NPY2R: variants seen among roughly 807,000 people sequenced by gnomAD.
NPY2R encodes neuropeptide Y receptor Y2, also known as neuropeptide Y receptor type 2.
NPY2R carries 17 observed loss-of-function variants against 22.3 expected under a neutral mutation model. That is an observed-to-expected ratio of 0.76 (90% CI 0.52 to 1.14). NPY2R has a LOEUF of 1.14. Among genes scored for constraint, NPY2R ranks in the 50% most tolerant of loss-of-function variants. The pLI is 0.00. For missense variants in NPY2R, 424 were observed against 467.9 expected (o/e 0.91, Z 0.87); for synonymous variants, 209 against 183.4 (o/e 1.14, Z -1.13).
chr4:155,181,363 G>A, the NPY2R span, among the ~76,000 whole-genome samples: 1 of 152,146 alleles, frequency 6.6e-6, no homozygotes, highest in South Asian at 2.1e-4. Context: ...CACCAGTGGT[G>A]TGAAATATTC....
Position 155,214,338 on chromosome 4 carries a change from A to C in NPY2R, c.399A>C (p.Ala133=), listed in dbSNP as rs1278359880. The part of the protein sequence containing the change: ...CHLVPYAQGL[A]VQVSTITLTV... The stretch of plus-strand genomic sequence containing the variant: ...TGGTGCCCTATGCCCAGGGCCTGGC[A>C]GTACAAGTATCCACAATCACCTTGA... Residue 133 remains alanine, a synonymous_variant, in exon 2 of 2, where the codon GCA becomes GCC. Transcript: ENST00000329476. 1.2e-6 allele frequency: 2 copies of C among 1,614,140 alleles called. No individual in the cohort carries two copies. Among genetic ancestry groups the C allele is most frequent in the Admixed American group, 3.3e-5 (2 of 60,014 alleles).
At chr4:155,190,334 T>C in the NPY2R span, among the ~76,000 whole-genome samples, 5 of 152,124 alleles carry the variant, frequency 3.3e-5, no homozygotes, top group South Asian at 1.0e-3. Flanking sequence ...AATATGGCTA[T>C]TTAGAGTTTT....
At chr4:155,180,315 A>C in the NPY2R span, among the ~76,000 whole-genome samples, 3 of 152,218 alleles carry the variant, frequency 2.0e-5, no homozygotes, top group African/African-American at 7.2e-5. Flanking sequence ...TATAAACTTT[A>C]GATGTGCAAT....
chr4:155,196,485 T>C, the NPY2R span, among the ~76,000 whole-genome samples: 1 of 151,984 alleles, frequency 6.6e-6, no homozygotes, highest in African/African-American at 2.4e-5. Flanking sequence ...GATTACAGAT[T>C]GAAGCCAAGG....
At chr4:155,208,231 C>G (rs1039336449), upstream of NPY2R, 1 of 152,324 alleles carries the variant, frequency 6.6e-6, no homozygotes, top group African/African-American at 2.4e-5. This position sits in a 1 kb window ranked among gnomAD's most constrained non-coding sequence, Gnocchi z 5.6. Context: ...TTTTCTCAGC[C>G]CCTACGAGGC....
chr4:155,176,173 C>A, the NPY2R span, among the ~76,000 whole-genome samples: 207 of 152,240 alleles, frequency 1.4e-3, 1 homozygote, highest in South Asian at 0.021. Flanking sequence ...TATAAAAACC[C>A]CCCAATTTTA....
chr4:155,181,080 A>T, the NPY2R span, among the ~76,000 whole-genome samples: 1 of 152,176 alleles, frequency 6.6e-6, no homozygotes, highest in Non-Finnish European at 1.5e-5. Context: ...GTGCAAACAT[A>T]CTTTGTACTT....
chr4:155,177,826 A>T, the NPY2R span, among the ~76,000 whole-genome samples: 2 of 151,892 alleles, frequency 1.3e-5, no homozygotes, highest in African/African-American at 4.8e-5. Flanking sequence ...CCTTAGCCAC[A>T]CCTAGGTCTG....
chr4:155,204,118 G>T (rs148848544), upstream of NPY2R, among the ~76,000 whole-genome samples: 4 of 151,296 alleles, frequency 2.6e-5, no homozygotes, highest in African/African-American at 9.7e-5. Context: ...GCACCACTTT[G>T]TTCTGTCTGT....
the NPY2R span, among the ~76,000 whole-genome samples, chr4:155,189,109 C>A: frequency 5.4e-3 from 817 of 152,130 alleles, 12 homozygotes; most frequent in African/African-American, 0.019. Context: ...CACATCCCTT[C>A]CTCCCATAAA....
the NPY2R span, among the ~76,000 whole-genome samples, chr4:155,189,993 T>C: frequency 6.6e-6 from 1 of 152,024 alleles, no homozygotes; most frequent in African/African-American, 2.4e-5. Flanking sequence ...AACAAATGCT[T>C]TTCTCTCTCT....
Position 155,214,973 on chromosome 4 carries a change from G to A in NPY2R, c.1034G>A (p.Arg345Gln), listed in dbSNP as rs141746382. 2.5e-4 allele frequency: 410 copies of A among 1,614,222 alleles called. No individual in the cohort carries two copies. The African/African-American group carries it at 3.7e-3, about 14-fold the overall frequency. The change falls in exon 2 of 2, where the codon CGG becomes CAG. Residue 345 changes from arginine (R) to glutamine (Q), a missense_variant. Arg to Gln is a conservative substitution (Grantham distance 43, BLOSUM62 1). Transcript: ENST00000329476. Reference protein sequence around the residue: ...AFLSAFRCEQRLDAIHSEVSV... With the variant: ...AFLSAFRCEQQLDAIHSEVSV... ...CTCTCGGCCTTCCGCTGTGAGCAGC[G>A]GTTGGATGCCATTCACTCTGAGGTG...
chr4:155,197,746 A>G, the NPY2R span, among the ~76,000 whole-genome samples: 2 of 152,046 alleles, frequency 1.3e-5, no homozygotes, highest in Middle Eastern at 3.4e-3. Context: ...TATAATATGT[A>G]TAGACATGGT....
chr4:155,197,009 A>G, the NPY2R span, among the ~76,000 whole-genome samples: 1 of 151,936 alleles, frequency 6.6e-6, no homozygotes, highest in South Asian at 2.1e-4. Flanking sequence ...AATTTTACAT[A>G]ATATATATTA....
chr4:155,179,386 T>G, the NPY2R span, among the ~76,000 whole-genome samples: 1 of 152,182 alleles, frequency 6.6e-6, no homozygotes, highest in African/African-American at 2.4e-5. Context: ...GTGTTGAAAT[T>G]TTTTGGCAAG....
chr4:155,193,549 G>A, the NPY2R span, among the ~76,000 whole-genome samples: 19 of 151,922 alleles, frequency 1.3e-4, no homozygotes, highest in African/African-American at 4.1e-4. Flanking sequence ...AGATGGTGGG[G>A]TGGATAACTT....
chr4:155,196,731 G>A, the NPY2R span, among the ~76,000 whole-genome samples: 1 of 151,874 alleles, frequency 6.6e-6, no homozygotes, highest in Non-Finnish European at 1.5e-5. Context: ...AATCACATGT[G>A]GCCCTGTGAG....
At chr4:155,188,627 A>G in the NPY2R span, among the ~76,000 whole-genome samples, 4 of 152,128 alleles carry the variant, frequency 2.6e-5, no homozygotes, top group Non-Finnish European at 5.9e-5. Context: ...GCTGACTTTA[A>G]TGAAGTAAAC....
At chr4:155,201,809 T>C in the NPY2R span, among the ~76,000 whole-genome samples, 1 of 152,122 alleles carries the variant, frequency 6.6e-6, no homozygotes, top group Non-Finnish European at 1.5e-5. Context: ...AAATAATTTC[T>C]GCCTGGTGAG....
Sources: allele counts gnomAD v4.1 joint callset (sites outside exome capture counted in the v4.1 genomes callset), GRCh38; gene constraint gnomAD v4.1.1; non-coding constraint Gnocchi (gnomAD v3.1); transcripts MANE v1.5; gene names NCBI Gene and HGNC (gene_info 2026-07-23, HGNC 2026-07-21).